SLC9C1: variants seen among roughly 807,000 people sequenced by gnomAD.
SLC9C1 encodes sodium/hydrogen exchanger 10.
A neutral mutation model predicts 140.9 loss-of-function variants in SLC9C1; 97 were observed. The observed-to-expected ratio is 0.69, with a 90% CI of 0.58 to 0.82. The LOEUF (loss-of-function observed/expected upper bound fraction) is 0.82. Ranked by LOEUF, SLC9C1 falls within the 40% of genes least tolerant of loss-of-function variation. The pLI is 0.00. For missense variants in SLC9C1, 1,340 were observed against 1,389.3 expected (o/e 0.96, Z 0.56); for synonymous variants, 440 against 442.6 (o/e 0.99, Z 0.07).
chr3:112,171,583 AT>A lies in SLC9C1; in HGVS notation c.2920-2256del, dbSNP rs561769669. 2.5e-4 allele frequency among the ~76,000 whole-genome samples: 38 copies of A among 152,212 alleles called. 1 individual carries two copies. In the East Asian group the frequency reaches 7.1e-3, roughly 29 times the overall value. ...ATTTTTCCCTGAGCCTGCTGCTCAT[AT>A]TTTTTGTGATGTCTTTTGAAGAGCA... On this transcript the variant is annotated intron_variant, in intron 23 of 28. Transcript: ENST00000305815.
chr3:112,167,265 T>C lies in SLC9C1; in HGVS notation c.3320A>G (p.Lys1107Arg). 1 of 1,609,986 alleles carries C rather than the reference T, an allele frequency of 6.2e-7. No individual in the cohort carries two copies. The highest frequency in any genetic ancestry group is 8.5e-7 in the Non-Finnish European group (1 of 1,178,326). Residue 1107 changes from lysine (K) to arginine (R), a missense_variant, in exon 26 of 29, where the codon AAG becomes AGG. By Grantham distance (26) the Lys-to-Arg change is conservative. Coordinates refer to ENST00000305815, the MANE Select transcript of SLC9C1 (RefSeq NM_183061.3). ...NMKTFRRNIR[K>R]FVPKHKSYLT... is the part of the protein sequence containing the mutation. ...ATAACTTTTATGTTTAGGAACAAAC[T>C]TTCTAATATTCCTTCTGAATGTTTT... is the stretch of plus-strand genomic sequence containing the variant.
At chr3:112,175,822 T>A (rs2077326194) in intron 23 of SLC9C1, among the ~76,000 whole-genome samples, 1 of 152,148 alleles carries the variant, frequency 6.6e-6, no homozygotes, top group African/African-American at 2.4e-5. Flanking sequence ...GTTGAGGCTG[T>A]GAAACAGCAA....
Position 112,190,045 on chromosome 3 carries a change from T to G in SLC9C1, c.2524-7787A>C, listed in dbSNP as rs1457912753. On this transcript the variant is annotated intron_variant, in intron 20 of 28. Transcript: ENST00000305815. ...TTTGGCTCTCTGTTTGTCTGTTATT[T>G]GTGTATATGAATGCTTGTGATTTTT... Among the ~76,000 whole-genome samples the G allele has an allele frequency of 2.6e-5, 4 of 152,054 alleles. No individual in the cohort carries two copies. In the East Asian group the frequency reaches 7.7e-4, roughly 29 times the overall value.
intron 23 of SLC9C1, among the ~76,000 whole-genome samples, chr3:112,172,532 A>G (rs769964763): frequency 6.6e-6 from 1 of 151,994 alleles, no homozygotes; most frequent in Admixed American, 6.6e-5. Flanking sequence ...TTTTTATGTC[A>G]GTTTACTTCT....
At chr3:112,231,193 C>A (rs910768254) in intron 13 of SLC9C1, among the ~76,000 whole-genome samples, 168 bp downstream of exon 13, 18 of 150,454 alleles carry the variant, frequency 1.2e-4, no homozygotes, top group Non-Finnish European at 4.4e-5. Flanking sequence ...TTTCCTCTCT[C>A]TCTTTCTTTT....
At chr3:112,267,428 T>C (rs573891456) in intron 7 of SLC9C1, among the ~76,000 whole-genome samples, 28 of 151,486 alleles carry the variant, frequency 1.8e-4, no homozygotes, top group African/African-American at 6.8e-4. Context: ...TATAAAAAAT[T>C]AGCCGGGCGT....
intron 12 of SLC9C1, among the ~76,000 whole-genome samples, chr3:112,238,873 G>A (rs1403028412): frequency 1.3e-5 from 2 of 152,224 alleles, no homozygotes; most frequent in African/African-American, 4.8e-5. Flanking sequence ...CCCTACTGGG[G>A]GGTGCCTCCC....
chr3:112,275,359 A>C (rs2080185717), intron 5 of SLC9C1, among the ~76,000 whole-genome samples: 1 of 152,208 alleles, frequency 6.6e-6, no homozygotes, highest in Admixed American at 6.5e-5. Flanking sequence ...ATTGAGGAAT[A>C]AAGTAAATTT....
At chr3:112,153,560 G>A (rs1256683808) in intron 27 of SLC9C1, among the ~76,000 whole-genome samples, 3 of 152,136 alleles carry the variant, frequency 2.0e-5, no homozygotes, top group African/African-American at 2.4e-5. Context: ...AAAGACGTTT[G>A]GAGAAATAGT....
chr3:112,192,642 CTT>C (rs1164870680), intron 20 of SLC9C1, among the ~76,000 whole-genome samples: 1 of 151,814 alleles, frequency 6.6e-6, no homozygotes, highest in African/African-American at 2.4e-5. Flanking sequence ...TTGGTTTAGT[CTT>C]TATTGAAGCT....
At chr3:112,204,752 T>C (rs1047932224) in intron 16 of SLC9C1, among the ~76,000 whole-genome samples, 2 of 152,068 alleles carry the variant, frequency 1.3e-5, no homozygotes, top group Non-Finnish European at 2.9e-5. Flanking sequence ...CTAAATGCCA[T>C]AAAAATCCTG....
chr3:112,164,094 C>A (rs1254110294), intron 26 of SLC9C1, among the ~76,000 whole-genome samples: 6 of 151,836 alleles, frequency 4.0e-5, no homozygotes, highest in Non-Finnish European at 8.8e-5. Context: ...AGGATTGCAA[C>A]CCCTGCCTTT....
intron 20 of SLC9C1, among the ~76,000 whole-genome samples, chr3:112,191,163 C>T (rs1344545355): frequency 6.6e-6 from 1 of 152,108 alleles, no homozygotes; most frequent in African/African-American, 2.4e-5. Context: ...GAGACAGTCT[C>T]ACTTCTTTCT....
chr3:112,161,036 T>A lies in SLC9C1; in HGVS notation c.3365-5987A>T, dbSNP rs1048682821. ...TGATGACCAGTGATGATGAGCATTT[T>A]TTCATGTGTTTTTTGGCTGCATAAA... On this transcript the variant is annotated intron_variant, in intron 26 of 28. Transcript: ENST00000305815. Among the ~76,000 whole-genome samples, 3 of 152,256 alleles carry A rather than the reference T, an allele frequency of 2.0e-5. No homozygotes were observed. The East Asian group carries it at 5.8e-4, about 29-fold the overall frequency.
chr3:112,287,415 T>A (rs2080541545), intron 1 of SLC9C1, among the ~76,000 whole-genome samples: 1 of 152,248 alleles, frequency 6.6e-6, no homozygotes, highest in African/African-American at 2.4e-5. Context: ...TTTGGGACAC[T>A]GACAGACCAG....
At chr3:112,180,259 C>T (rs760597470) in intron 22 of SLC9C1, among the ~76,000 whole-genome samples, 1 of 152,214 alleles carries the variant, frequency 6.6e-6, no homozygotes, top group Non-Finnish European at 1.5e-5. Flanking sequence ...CAGTGGCTCA[C>T]GCCTGTAACC....
chr3:112,270,666 A>G (rs917173319), intron 6 of SLC9C1, among the ~76,000 whole-genome samples: 1 of 152,158 alleles, frequency 6.6e-6, no homozygotes, highest in Non-Finnish European at 1.5e-5. Context: ...AAATACAAAA[A>G]TTAGCTGGGT....
intron 13 of SLC9C1, among the ~76,000 whole-genome samples, chr3:112,224,906 C>A (rs999914506): frequency 6.6e-6 from 1 of 151,926 alleles, no homozygotes; most frequent in African/African-American, 2.4e-5. Context: ...ATTACACAAA[C>A]AAATGTTATC....
intron 17 of SLC9C1, 57 bp downstream of exon 17, chr3:112,204,159 CTA>C: frequency 7.3e-7 from 1 of 1,363,992 alleles, no homozygotes. Context: ...TAATTTTACT[CTA>C]TGTTTTATGA....
Sources: gnomAD v4.1 joint callset for allele counts (sites outside exome capture counted in the v4.1 genomes callset) on GRCh38, gnomAD v4.1.1 for gene constraint, MANE v1.5 for transcripts, NCBI Gene and HGNC (gene_info 2026-07-23, HGNC 2026-07-21) for gene names.